The following NKAIN2 variants were observed in gnomAD, a reference collection of about 807,000 sequenced individuals.
The protein encoded by NKAIN2 is sodium/potassium transporting ATPase interacting 2, also known as sodium/potassium-transporting ATPase subunit beta-1-interacting protein 2.
Under a neutral mutation model 32.6 loss-of-function variants are expected in NKAIN2, and 14 were observed. The observed-to-expected ratio is 0.43, with a 90% CI of 0.28 to 0.67. The LOEUF (loss-of-function observed/expected upper bound fraction) is 0.67, where lower values mean the gene tolerates loss of function less well. Ranked by LOEUF, NKAIN2 falls within the 30% of genes least tolerant of loss-of-function variation. The pLI, the probability that NKAIN2 is intolerant of heterozygous loss-of-function variation, is 0.17. For synonymous variants in NKAIN2, 80 were observed against 87.2 expected (o/e 0.92, Z 0.46); for missense variants, 198 against 258.3 (o/e 0.77, Z 1.60).
At chr6:124,334,438 T>G (rs1297002768) in intron 2 of NKAIN2, among the ~76,000 whole-genome samples, 2 of 151,974 alleles carry the variant, frequency 1.3e-5, no homozygotes. Flanking sequence ...CTTCGAAAAT[T>G]TGGAGACTAA....
intron 3 of NKAIN2, among the ~76,000 whole-genome samples, chr6:124,636,349 C>T (rs1191756020): frequency 6.6e-6 from 1 of 151,770 alleles, no homozygotes; most frequent in African/African-American, 2.4e-5. Flanking sequence ...TCAAATAACC[C>T]ATGTACCTCG....
At chr6:124,370,371 G>A (rs557277327) in intron 3 of NKAIN2, among the ~76,000 whole-genome samples, 29 of 152,112 alleles carry the variant, frequency 1.9e-4, no homozygotes, top group African/African-American at 6.7e-4. Flanking sequence ...ACAGCCTGAT[G>A]CAATCAGAAA....
intron 1 of NKAIN2, among the ~76,000 whole-genome samples, chr6:124,152,389 C>T (rs1356337131): frequency 6.6e-6 from 1 of 151,854 alleles, no homozygotes; most frequent in African/African-American, 2.4e-5. Context: ...TAGTGTATGT[C>T]TTGCAGCTAT....
intron 3 of NKAIN2, among the ~76,000 whole-genome samples, chr6:124,408,577 C>T (rs1773986871): frequency 6.6e-6 from 1 of 152,086 alleles, no homozygotes; most frequent in Non-Finnish European, 1.5e-5. Flanking sequence ...GGTACCAGTA[C>T]CATGCTGTTT....
intron 1 of NKAIN2, among the ~76,000 whole-genome samples, chr6:123,911,801 G>GTATATATATATATATGTGTATA (rs200270867): frequency 1.7e-5 from 1 of 58,418 alleles, no homozygotes; most frequent in South Asian, 5.9e-4. Context: ...ATATATATAT[G>GTATATATATATATATGTGTATA]TATATATATA....
At chr6:124,578,867 C>G (rs1009917426) in intron 3 of NKAIN2, among the ~76,000 whole-genome samples, 1 of 151,958 alleles carries the variant, frequency 6.6e-6, no homozygotes, top group African/African-American at 2.4e-5. Context: ...CAGAAAGAGA[C>G]AGAAAGAGAG....
intron 1 of NKAIN2, among the ~76,000 whole-genome samples, chr6:123,824,503 C>T (rs942810360): frequency 1.3e-5 from 2 of 152,020 alleles, no homozygotes; most frequent in Non-Finnish European, 2.9e-5. Context: ...TGGGAGGGTA[C>T]CATCAGCTCC....
chr6:124,311,999 C>A (rs1796737888), intron 2 of NKAIN2, among the ~76,000 whole-genome samples: 1 of 152,132 alleles, frequency 6.6e-6, no homozygotes, highest in African/African-American at 2.4e-5. Context: ...TAACCCCTGT[C>A]AACCTCCAGT....
chr6:124,090,327 A>G (rs1281337264), intron 1 of NKAIN2, among the ~76,000 whole-genome samples: 1 of 152,072 alleles, frequency 6.6e-6, no homozygotes, highest in Non-Finnish European at 1.5e-5. Context: ...ATATGAATGA[A>G]AACTGCTAAA....
At chr6:123,947,617 G>GT in intron 1 of NKAIN2, among the ~76,000 whole-genome samples, 1 of 152,150 alleles carries the variant, frequency 6.6e-6, no homozygotes, top group East Asian at 1.9e-4. Flanking sequence ...GTGTTTTAAA[G>GT]TTTTTTTATT....
At chr6:124,118,182 T>C (rs1785707662) in intron 1 of NKAIN2, among the ~76,000 whole-genome samples, 1 of 152,156 alleles carries the variant, frequency 6.6e-6, no homozygotes, top group South Asian at 2.1e-4. Flanking sequence ...TTCAGGTCTT[T>C]TTCTTTAGAA....
rs573576200 is a variant in NKAIN2 at position 124,607,402 on chromosome 6, G to A, written c.274-50784G>A. 5.9e-5 allele frequency among the ~76,000 whole-genome samples: 9 copies of A among 152,216 alleles called. No homozygotes were observed. In the South Asian group the frequency reaches 1.9e-3, roughly 32 times the overall value. On this transcript the variant is annotated intron_variant, in intron 3 of 6. Coordinates refer to ENST00000368417, the MANE Select transcript of NKAIN2 (RefSeq NM_001040214.3). ...CCAAACATAGAAGCAAAGCAGGAAA[G>A]TAATCTGATTGGCTACAGCTAGGTG...
At chr6:124,179,660 C>T (rs1298080596) in intron 1 of NKAIN2, among the ~76,000 whole-genome samples, 3 of 152,162 alleles carry the variant, frequency 2.0e-5, no homozygotes, top group Middle Eastern at 3.2e-3. Context: ...CTCCATTTCA[C>T]CCATTACCCA....
intron 3 of NKAIN2, among the ~76,000 whole-genome samples, chr6:124,641,004 G>A: frequency 6.6e-6 from 1 of 152,262 alleles, no homozygotes. Context: ...GTTGAGAGTT[G>A]ATATGCACTT....
At chr6:124,170,629 C>T (rs954729015) in intron 1 of NKAIN2, among the ~76,000 whole-genome samples, 6 of 152,056 alleles carry the variant, frequency 3.9e-5, no homozygotes, top group Admixed American at 3.9e-4. Flanking sequence ...TCTTGGATTC[C>T]ACAAAATCCT....
At chr6:124,074,944 C>G (rs9482506) in intron 1 of NKAIN2, among the ~76,000 whole-genome samples, 3,501 of 152,234 alleles carry the variant, frequency 0.023, 127 homozygotes, top group African/African-American at 0.078. Flanking sequence ...ACGTTTTATT[C>G]ATGAGCCTAG....
At chr6:123,955,374 C>T (rs1031606519) in intron 1 of NKAIN2, among the ~76,000 whole-genome samples, 2 of 151,892 alleles carry the variant, frequency 1.3e-5, no homozygotes, top group Middle Eastern at 6.8e-3. Flanking sequence ...TTGATTGTTA[C>T]AGCACACGGT....
chr6:123,812,266 TGCAGTCTACAA>T (rs1343783893), intron 1 of NKAIN2, among the ~76,000 whole-genome samples: 2 of 152,228 alleles, frequency 1.3e-5, no homozygotes, highest in Non-Finnish European at 2.9e-5. Context: ...AGGCTAATGA[TGCAGTCTACAA>T]GTTAATATTC....
chr6:124,160,666 A>T (rs1411272941), intron 1 of NKAIN2, among the ~76,000 whole-genome samples: 1 of 152,202 alleles, frequency 6.6e-6, no homozygotes, highest in Non-Finnish European at 1.5e-5. Flanking sequence ...TCAAAAGGAT[A>T]GCAAATTTTA....
Sources: allele counts gnomAD v4.1 joint callset (sites outside exome capture counted in the v4.1 genomes callset), GRCh38; gene constraint gnomAD v4.1.1; transcripts MANE v1.5; gene names NCBI Gene and HGNC (gene_info 2026-07-23, HGNC 2026-07-21).